PLAGL1: variants seen among roughly 807,000 people sequenced by gnomAD.
PLAGL1 encodes PLAG1 like zinc finger 1.
PLAGL1 carries 1 observed loss-of-function variant against 4.6 expected under a neutral mutation model. That is an observed-to-expected ratio of 0.22 (90% confidence interval 0.08 to 1.03). The LOEUF is 1.03. Among genes scored for constraint, PLAGL1 ranks in the 50% least tolerant of loss-of-function variants. The probability of loss-of-function intolerance (pLI) is 0.58; values close to 1 mark genes in which losing one functional copy is unlikely to be tolerated. For synonymous variants in PLAGL1, 240 were observed against 237.8 expected (o/e 1.01, Z -0.08); for missense variants, 464 against 570.4 (o/e 0.81, Z 1.90).
At position 143,961,721 on chromosome 6, in the gene PLAGL1, AG is replaced by A. The variant is rs1437240737; in HGVS notation, c.-398-1180del. On this transcript the variant is annotated intron_variant, in intron 5 of 7. Coordinates refer to ENST00000674357, the MANE Select transcript of PLAGL1 (RefSeq NM_001317162.2). This position sits in a 1 kb window ranked among gnomAD's most constrained non-coding sequence, Gnocchi z 6.5. Reference sequence around the variant, plus strand: ...GCTGGTTTAATTGGGTGGTCTCCAAAGGCTTGTATAAAATTTTTTTTGAAAG... The same window carrying A: ...GCTGGTTTAATTGGGTGGTCTCCAAAGCTTGTATAAAATTTTTTTTGAAAG... 3.3e-5 allele frequency among the ~76,000 whole-genome samples: 5 copies of A among 152,212 alleles called. No homozygotes were observed. The highest frequency in any genetic ancestry group is 1.2e-4 in the African/African-American group (5 of 41,462).
At chr6:143,999,138 G>C (rs1231915339) in intron 1 of PLAGL1, among the ~76,000 whole-genome samples, 1 of 152,094 alleles carries the variant, frequency 6.6e-6, no homozygotes, top group Non-Finnish European at 1.5e-5. Flanking sequence ...AGGAAGGAAA[G>C]ATATTAGAAA....
intron 1 of PLAGL1, among the ~76,000 whole-genome samples, chr6:144,043,270 C>T (rs1050159716): frequency 6.6e-6 from 1 of 152,288 alleles, no homozygotes; most frequent in East Asian, 1.9e-4. Flanking sequence ...AAAGGGAATG[C>T]TTCCAGTTTT....
At chr6:143,986,630 T>C (rs1165399723) in intron 1 of PLAGL1, among the ~76,000 whole-genome samples, 2 of 152,218 alleles carry the variant, frequency 1.3e-5, no homozygotes, top group African/African-American at 4.8e-5. Flanking sequence ...CAGATTATAG[T>C]AATTTGACAG....
rs1454994772 is a variant in PLAGL1 at position 144,027,018 on chromosome 6, T to C, written c.-151+37450A>G. Among the ~76,000 whole-genome samples, 2 of 151,814 alleles carry C rather than the reference T, an allele frequency of 1.3e-5. No homozygotes were observed. The highest frequency in any genetic ancestry group is 4.8e-5 in the African/African-American group (2 of 41,282). On this transcript the variant is annotated intron_variant, in intron 1 of 3. Coordinates refer to the PLAGL1 transcript ENST00000437412. The surrounding 1 kb of genome is among the most constrained non-coding windows in gnomAD (Gnocchi z 5.8). The stretch of plus-strand genomic sequence containing the variant: ...CTTGAGTCCAGGAGTTCAAGACCAG[T>C]GTGGGTAAAAAAGTAAGACCCCACC...
intron 1 of PLAGL1, among the ~76,000 whole-genome samples, chr6:144,024,631 G>A (rs1796210743): frequency 6.6e-6 from 1 of 152,156 alleles, no homozygotes; most frequent in South Asian, 2.1e-4. Flanking sequence ...GTAGTCTTAG[G>A]TATGTCTTTA....
chr6:143,992,868 C>G (rs1444452641), intron 1 of PLAGL1, among the ~76,000 whole-genome samples: 1 of 151,290 alleles, frequency 6.6e-6, no homozygotes, highest in Non-Finnish European at 1.5e-5. Flanking sequence ...ATCCCAGCTA[C>G]TCGGGAAGCT....
In PLAGL1 at chr6:143,960,566, C is replaced by T. The variant is rs74863989; in HGVS notation, c.-398-24G>A. 3.9e-5 allele frequency: 6 copies of T among 152,184 alleles called. No individual in the cohort carries two copies. The highest frequency in any genetic ancestry group is 7.3e-5 in the Non-Finnish European group (5 of 68,034). 9.4% of individuals were successfully genotyped at this position (152,184 alleles called of 1,614,324 possible). Reference sequence around the variant, plus strand: ...ACCTGTGAGAAGAGACCTTGTACATCGTCAGGGAATGAAGCTAGGAAAACA... The same window carrying T: ...ACCTGTGAGAAGAGACCTTGTACATTGTCAGGGAATGAAGCTAGGAAAACA... On this transcript the variant is annotated intron_variant, in intron 5 of 7. Transcript: ENST00000674357. This position sits in a 1 kb window ranked among gnomAD's most constrained non-coding sequence, Gnocchi z 5.7.
chr6:144,001,185 A>T (rs905512174), intron 1 of PLAGL1, among the ~76,000 whole-genome samples: 1 of 152,098 alleles, frequency 6.6e-6, no homozygotes, highest in African/African-American at 2.4e-5. Context: ...AAAAAAAAAA[A>T]AATAAAAATT....
Position 143,972,653 on chromosome 6 carries a change from G to A in PLAGL1, c.-543-3675C>T, listed in dbSNP as rs572108559. 3.5e-4 allele frequency among the ~76,000 whole-genome samples: 54 copies of A among 152,118 alleles called. No individual in the cohort carries two copies. Among genetic ancestry groups the A allele is most frequent in the Non-Finnish European group, 5.9e-4 (40 of 67,998 alleles). On this transcript the variant is annotated intron_variant, in intron 2 of 7. Transcript: ENST00000674357. The surrounding 1 kb of genome is among the most constrained non-coding windows in gnomAD (Gnocchi z 6.8). ...ACAATCCAGAATGGCATGAATCACTGGCTTGAGTGGAACGTAGCTTCCAAG... is the reference window on the plus strand; with the variant it reads ...ACAATCCAGAATGGCATGAATCACTAGCTTGAGTGGAACGTAGCTTCCAAG...
intron 6 of PLAGL1, among the ~76,000 whole-genome samples, chr6:143,956,420 T>C (rs565043831): frequency 2.6e-4 from 40 of 152,290 alleles, no homozygotes; most frequent in African/African-American, 9.1e-4. Context: ...TTGGATAAGA[T>C]GGTCTACTGA....
At chr6:144,041,108 CAGT>C (rs1458575993) in intron 1 of PLAGL1, among the ~76,000 whole-genome samples, 1 of 151,982 alleles carries the variant, frequency 6.6e-6, no homozygotes, top group East Asian at 1.9e-4. Flanking sequence ...AGCAAGTTAA[CAGT>C]AGTAGTAGCC....
intron 6 of PLAGL1, among the ~76,000 whole-genome samples, chr6:143,951,960 C>T (rs1193416873): frequency 2.0e-5 from 3 of 152,078 alleles, no homozygotes; most frequent in Admixed American, 6.5e-5. Flanking sequence ...TTTTAATCAC[C>T]GTAACTATGT....
chr6:143,998,137 A>C (rs1484187761), intron 1 of PLAGL1, among the ~76,000 whole-genome samples: 1 of 152,198 alleles, frequency 6.6e-6, no homozygotes, highest in Non-Finnish European at 1.5e-5. Flanking sequence ...TTCAAACCTT[A>C]TTCATTAGTA....
At chr6:144,062,247 C>T (rs1248757200) in intron 1 of PLAGL1, among the ~76,000 whole-genome samples, 4 of 151,830 alleles carry the variant, frequency 2.6e-5, no homozygotes, top group Non-Finnish European at 4.4e-5. Flanking sequence ...TGAGGAGGCA[C>T]GCGCCTGTAG....
In PLAGL1 at chr6:143,959,685, T is replaced by C. The variant is rs1018550743; in HGVS notation, c.-325+784A>G. ...GGCATCATTGTCCCCATTTCACAAA[T>C]GAGGAAACTGAGGCTCAGAGGATTT... is the stretch of plus-strand genomic sequence containing the variant. On this transcript the variant is annotated intron_variant, in intron 6 of 7. Transcript: ENST00000674357. This position sits in a 1 kb window ranked among gnomAD's most constrained non-coding sequence, Gnocchi z 5.3. 6.6e-6 allele frequency among the ~76,000 whole-genome samples: 1 copy of C among 152,216 alleles called. No homozygotes were observed. The highest frequency in any genetic ancestry group is 1.5e-5 in the Non-Finnish European group (1 of 68,040).
rs761346125 is a variant in PLAGL1 at position 143,997,975 on chromosome 6, A to C, written c.-584+10115T>G. Among the ~76,000 whole-genome samples, 5 of 152,214 alleles carry C rather than the reference A, an allele frequency of 3.3e-5. No homozygotes were observed. Among genetic ancestry groups the C allele is most frequent in the Non-Finnish European group, 7.3e-5 (5 of 68,038 alleles). On this transcript the variant is annotated intron_variant, in intron 1 of 7. Transcript: ENST00000674357. This position sits in a 1 kb window ranked among gnomAD's most constrained non-coding sequence, Gnocchi z 4.6. ...AGAAGCAGAGAAAAAGTACTTTATG[A>C]AAGATAATTAGACTCTTTTTACCTT...
In PLAGL1 at chr6:144,020,836, TA is replaced by T. The variant is rs1397432362; in HGVS notation, c.-151+43631del. Among the ~76,000 whole-genome samples the T allele has an allele frequency of 2.6e-4, 38 of 145,848 alleles. 1 individual carries two copies. Among genetic ancestry groups the T allele is most frequent in the South Asian group, 6.3e-4 (3 of 4,750 alleles). ...TTTATATATTATATTATATATAATA[TA>T]ATATATATAAAATATAATTACTATA... On this transcript the variant is annotated intron_variant, in intron 1 of 3. Transcript: ENST00000437412.
At position 143,958,832 on chromosome 6, in the gene PLAGL1, G is replaced by C. The variant is rs534960548; in HGVS notation, c.-325+1637C>G. On this transcript the variant is annotated intron_variant, in intron 6 of 7. Transcript: ENST00000674357. This position sits in a 1 kb window ranked among gnomAD's most constrained non-coding sequence, Gnocchi z 5.1. ...ACACTGGCTTTTCTGAAAGGGGAAA[G>C]GAATGTTAAGGAAATGGGGGAGAAA... Among the ~76,000 whole-genome samples, 22 of 152,328 alleles carry C rather than the reference G, an allele frequency of 1.4e-4. 1 individual carries two copies. In the South Asian group the frequency reaches 4.6e-3, roughly 32 times the overall value.
At chr6:144,040,278 C>T (rs903461978) in intron 1 of PLAGL1, among the ~76,000 whole-genome samples, 3 of 151,990 alleles carry the variant, frequency 2.0e-5, no homozygotes, top group African/African-American at 4.8e-5. Flanking sequence ...CCTGTAATCC[C>T]AGCACTTTGG....
Sources: allele counts gnomAD v4.1 joint callset (sites outside exome capture counted in the v4.1 genomes callset), GRCh38; gene constraint gnomAD v4.1.1; non-coding constraint Gnocchi (gnomAD v3.1); transcripts MANE v1.5; gene names NCBI Gene and HGNC (gene_info 2026-07-23, HGNC 2026-07-21).